The following FABP12 variants were observed in gnomAD, a reference collection of about 807,000 sequenced individuals.
The protein encoded by FABP12 is fatty acid-binding protein 12.
In FABP12, 19 loss-of-function variants were observed where a neutral mutation model predicts 13.7. That is an observed-to-expected ratio of 1.39 (90% CI 0.97 to 2.04). The LOEUF (loss-of-function observed/expected upper bound fraction) is 2.04. Among genes scored for constraint, FABP12 ranks in the 30% most tolerant of loss-of-function variants. The pLI is 0.00. For synonymous variants in FABP12, 61 were observed against 57.0 expected (o/e 1.07, Z -0.32); for missense variants, 182 against 164.2 (o/e 1.11, Z -0.59).
chr8:81,529,770 G>GAACAGATAT (rs1809014179), intron 2 of FABP12, among the ~76,000 whole-genome samples, 160 bp from the exon 3 acceptor site: 1 of 152,046 alleles, frequency 6.6e-6, no homozygotes, highest in South Asian at 2.1e-4. Context: ...CAGATTTAAT[G>GAACAGATAT]GTGCATGACT....
chr8:81,565,841 T>A (rs181581128), intron 1 of FABP12, among the ~76,000 whole-genome samples: 1 of 151,758 alleles, frequency 6.6e-6, no homozygotes, highest in Non-Finnish European at 1.5e-5. Context: ...ATAAATGACA[T>A]TGAAATGAAG....
intron 4 of FABP12, among the ~76,000 whole-genome samples, chr8:81,525,529 AATAG>A (rs1554576047): frequency 3.9e-4 from 59 of 150,064 alleles, no homozygotes; most frequent in East Asian, 2.5e-3. Context: ...AAAAAAAAAA[AATAG>A]ATAGATAGAT....
Position 81,568,999 on chromosome 8 carries a change from T to C in FABP12, c.-185+21054A>G, listed in dbSNP as rs773151633. Among the ~76,000 whole-genome samples the C allele has an allele frequency of 2.6e-5, 4 of 152,118 alleles. No homozygotes were observed. In the East Asian group the frequency reaches 5.8e-4, roughly 22 times the overall value. On this transcript the variant is annotated intron_variant, in intron 1 of 5. Coordinates refer to the FABP12 transcript ENST00000692030. ...TGGATGGGTGGGGGAGTAGAGATGG[T>C]TATGGGTACAAAAATATAATTAGAT...
At chr8:81,587,497 G>T (rs1050347641) in intron 1 of FABP12, among the ~76,000 whole-genome samples, 13 of 151,986 alleles carry the variant, frequency 8.6e-5, no homozygotes, top group African/African-American at 3.1e-4. Flanking sequence ...TCATTGTACA[G>T]ATATTTCACC....
At chr8:81,571,405 G>A (rs1258452789) in intron 1 of FABP12, among the ~76,000 whole-genome samples, 1 of 152,220 alleles carries the variant, frequency 6.6e-6, no homozygotes, top group Non-Finnish European at 1.5e-5. Context: ...GAGGATGGGG[G>A]CGGCGCAGAT....
At chr8:81,534,654 C>T (rs1809177338), upstream of FABP12, among the ~76,000 whole-genome samples, 2 of 152,088 alleles carry the variant, frequency 1.3e-5, no homozygotes, top group African/African-American at 4.8e-5. Flanking sequence ...TTAACATAGC[C>T]ACAGGACTAT....
At chr8:81,584,254 C>T (rs1254063479) in intron 1 of FABP12, among the ~76,000 whole-genome samples, 1 of 152,112 alleles carries the variant, frequency 6.6e-6, no homozygotes, top group African/African-American at 2.4e-5. Context: ...GTGTCAAAGG[C>T]GTGGTGTTAG....
chr8:81,555,974 G>A (rs1202138070), intron 1 of FABP12, among the ~76,000 whole-genome samples: 1 of 152,148 alleles, frequency 6.6e-6, no homozygotes, highest in African/African-American at 2.4e-5. Flanking sequence ...TGTAGGAAAT[G>A]AAATGGTGAT....
chr8:81,559,510 C>T (rs975858462), intron 1 of FABP12, among the ~76,000 whole-genome samples: 1 of 152,126 alleles, frequency 6.6e-6, no homozygotes, highest in African/African-American at 2.4e-5. Context: ...CCAAATGGAG[C>T]CAACAGTGAT....
intron 1 of FABP12, among the ~76,000 whole-genome samples, chr8:81,587,334 A>T (rs1810255062): frequency 6.6e-6 from 1 of 152,154 alleles, no homozygotes; most frequent in South Asian, 2.1e-4. Flanking sequence ...GAAAAATGTC[A>T]TTGATAGTTT....
At chr8:81,532,631 G>A (rs1016684266) in intron 1 of FABP12, among the ~76,000 whole-genome samples, 1 of 152,180 alleles carries the variant, frequency 6.6e-6, no homozygotes, top group Non-Finnish European at 1.5e-5. Context: ...GATCAGCCGG[G>A]CCAATATGGT....
intron 1 of FABP12, among the ~76,000 whole-genome samples, chr8:81,563,499 T>C (rs911075062): frequency 6.6e-6 from 1 of 152,072 alleles, no homozygotes; most frequent in African/African-American, 2.4e-5. Flanking sequence ...TTCAGATAGG[T>C]AATAAGTAAT....
rs11338781 is a variant in FABP12, at chr8:81,556,879, CTTTTTTTTTTT to C, written c.-184-17147_-184-17137del. Among the ~76,000 whole-genome samples the C allele has an allele frequency of 2.1e-3, 227 of 109,268 alleles. 5 individuals are homozygous for C. Among genetic ancestry groups the C allele is most frequent in the African/African-American group, 8.2e-3 (220 of 26,670 alleles). 71.7% of individuals were successfully genotyped at this position (109,268 alleles called of 152,430 possible). ...GATTTTATGGAAGGGAAGTGTACATCTTTTTTTTTTTTTTTTTTTTTGCGAGACAGAGTCTT... is the reference window on the plus strand; with the variant it reads ...GATTTTATGGAAGGGAAGTGTACATCTTTTTTTTTTGCGAGACAGAGTCTT... On this transcript the variant is annotated intron_variant, in intron 1 of 5. Coordinates refer to the FABP12 transcript ENST00000692030.
At chr8:81,561,610 C>G (rs1405142087) in intron 1 of FABP12, among the ~76,000 whole-genome samples, 8 of 152,118 alleles carry the variant, frequency 5.3e-5, no homozygotes, top group African/African-American at 1.9e-4. Flanking sequence ...TCACCAATGG[C>G]ACAGAGATAG....
At chr8:81,557,752 T>A (rs1444518634) in intron 1 of FABP12, among the ~76,000 whole-genome samples, 3 of 152,232 alleles carry the variant, frequency 2.0e-5, no homozygotes, top group African/African-American at 7.2e-5. Flanking sequence ...ATAGCGAGTC[T>A]TTTAGTTTCT....
intron 1 of FABP12, among the ~76,000 whole-genome samples, chr8:81,573,110 T>G (rs987680466): frequency 6.6e-6 from 1 of 152,240 alleles, no homozygotes; most frequent in African/African-American, 2.4e-5. Context: ...TAATCCATCT[T>G]GAATTTATTT....
At chr8:81,570,828 G>T (rs978095690) in intron 1 of FABP12, among the ~76,000 whole-genome samples, 2 of 152,132 alleles carry the variant, frequency 1.3e-5, no homozygotes. Flanking sequence ...TTTATGAGTG[G>T]CCATGAGTGG....
intron 1 of FABP12, among the ~76,000 whole-genome samples, chr8:81,576,520 AACACAC>A (rs1210155394): frequency 2.7e-5 from 4 of 149,444 alleles, no homozygotes; most frequent in Non-Finnish European, 5.9e-5. Flanking sequence ...CAAACACACA[AACACAC>A]ACACACACAT....
At chr8:81,530,226 A>T (rs1276014631) in intron 2 of FABP12, among the ~76,000 whole-genome samples, 4 of 152,176 alleles carry the variant, frequency 2.6e-5, no homozygotes. Flanking sequence ...ACTGTTTTTC[A>T]ACTTGCTTTT....
Sources: allele counts gnomAD v4.1 joint callset (sites outside exome capture counted in the v4.1 genomes callset), GRCh38; gene constraint gnomAD v4.1.1; transcripts MANE v1.5; gene names NCBI Gene and HGNC (gene_info 2026-07-23, HGNC 2026-07-21).